DGKB: variants seen among roughly 807,000 people sequenced by gnomAD.
The protein encoded by DGKB is 90 kDa diacylglycerol kinase.
A neutral mutation model predicts 114.3 loss-of-function variants in DGKB; 67 were observed. The observed-to-expected ratio is 0.59, with a 90% confidence interval of 0.48 to 0.72. The LOEUF is 0.72. Ranked by LOEUF, DGKB falls within the 30% of genes least tolerant of loss-of-function variation. The probability of loss-of-function intolerance (pLI) is 0.00; values close to 1 mark genes in which losing one functional copy is unlikely to be tolerated. For synonymous variants in DGKB, 398 were observed against 323.1 expected (o/e 1.23, Z -2.49); for missense variants, 907 against 975.2 (o/e 0.93, Z 0.93).
At chr7:14,211,435 G>A (rs5024497) in intron 23 of DGKB, among the ~76,000 whole-genome samples, 2,441 of 22,236 alleles carry the variant, frequency 0.11, 50 homozygotes, top group African/African-American at 0.12. Context: ...TTTTACTCTC[G>A]TGTTTTGTGA....
At chr7:14,359,421 G>A (rs1001033366) in intron 21 of DGKB, among the ~76,000 whole-genome samples, 8 of 152,150 alleles carry the variant, frequency 5.3e-5, no homozygotes, top group Admixed American at 2.0e-4. Context: ...AGGACTTCAT[G>A]ACTAAACCAC....
intron 21 of DGKB, among the ~76,000 whole-genome samples, chr7:14,412,490 C>T (rs1006465689): frequency 1.1e-4 from 17 of 151,906 alleles, no homozygotes; most frequent in Admixed American, 5.3e-4. Context: ...AAAGAGAGCC[C>T]GGGGAAAGGA....
At chr7:14,922,382 G>GTGTCTGTA (rs1784549052) in intron 1 of DGKB, among the ~76,000 whole-genome samples, 1 of 130,100 alleles carries the variant, frequency 7.7e-6, no homozygotes, top group African/African-American at 2.9e-5. Context: ...CATCGTGTGT[G>GTGTCTGTA]TGTGTGTGTG....
intron 1 of DGKB, among the ~76,000 whole-genome samples, chr7:14,900,710 C>A (rs1189340368): frequency 1.3e-5 from 2 of 152,112 alleles, no homozygotes; most frequent in African/African-American, 4.8e-5. Context: ...TTTTTATAAT[C>A]TTCCCAGTCA....
At chr7:14,757,385 TACA>T (rs1337964253) in intron 3 of DGKB, among the ~76,000 whole-genome samples, 2 of 151,986 alleles carry the variant, frequency 1.3e-5, no homozygotes, top group Non-Finnish European at 2.9e-5. Flanking sequence ...ACGAAAAATG[TACA>T]ACATTTAATA....
Position 14,391,540 on chromosome 7 carries a change from A to T in DGKB, c.1836-46149T>A, listed in dbSNP as rs537245731. Among the ~76,000 whole-genome samples, 4 of 152,076 alleles carry T rather than the reference A, an allele frequency of 2.6e-5. No homozygotes were observed. The East Asian group carries it at 7.8e-4, about 29-fold the overall frequency. On this transcript the variant is annotated intron_variant, in intron 21 of 25. Coordinates refer to ENST00000402815, the MANE Select transcript of DGKB (RefSeq NM_001350709.2). ...AAAAAATAAAAAAAAAAAAAGGAAAAATTAGCCCGGTGTGGTGGCAGATGC... is the reference window on the plus strand; with the variant it reads ...AAAAAATAAAAAAAAAAAAAGGAAATATTAGCCCGGTGTGGTGGCAGATGC...
At position 14,695,492 on chromosome 7, in the gene DGKB, C is replaced by CTTTTTT. The variant is rs1452686512; in HGVS notation, c.592-1299_592-1298insAAAAAA. 3.6e-3 allele frequency among the ~76,000 whole-genome samples: 261 copies of CTTTTTT among 73,318 alleles called. 1 individual carries two copies. Among genetic ancestry groups the CTTTTTT allele is most frequent in the African/African-American group, 5.4e-3 (90 of 16,776 alleles). The allele number at this position is 73,318 out of a possible 152,430, so 48.1% of individuals were successfully genotyped here. A position where few individuals can be genotyped will look rare whatever the true frequency, so the allele number is the denominator to read the frequency against. On this transcript the variant is annotated intron_variant, in intron 8 of 25. Transcript: ENST00000402815. ...CAAATGTTCATTTCTCTCTCTCTCT[C>CTTTTTT]TCTTTTTTTTTTTTTTTTTTTTTTT... is the stretch of plus-strand genomic sequence containing the variant.
intron 6 of DGKB, among the ~76,000 whole-genome samples, chr7:14,705,259 G>A (rs1420054886): frequency 6.6e-6 from 1 of 151,306 alleles, no homozygotes; most frequent in Non-Finnish European, 1.5e-5. Flanking sequence ...GAGAAGGGAA[G>A]TTTAGAGAAA....
intron 1 of DGKB, among the ~76,000 whole-genome samples, chr7:14,951,773 T>C (rs1002012514): frequency 2.0e-5 from 3 of 151,962 alleles, no homozygotes; most frequent in Non-Finnish European, 4.4e-5. Flanking sequence ...GGGGGGTATA[T>C]AGAACTCTAT....
At chr7:14,906,248 C>A (rs987291412), upstream of DGKB, among the ~76,000 whole-genome samples, 1 of 151,668 alleles carries the variant, frequency 6.6e-6, no homozygotes, top group Non-Finnish European at 1.5e-5. Context: ...CAGATTGCTA[C>A]ACATTTATGT....
At chr7:14,288,109 A>G (rs895443147) in intron 23 of DGKB, among the ~76,000 whole-genome samples, 3 of 152,034 alleles carry the variant, frequency 2.0e-5, no homozygotes, top group African/African-American at 7.2e-5. Context: ...GGCAAGTAGT[A>G]TCTTATTGGA....
intron 23 of DGKB, among the ~76,000 whole-genome samples, chr7:14,256,490 T>A (rs1795994331): frequency 6.6e-6 from 1 of 152,090 alleles, no homozygotes; most frequent in Admixed American, 6.5e-5. Context: ...TTCATTTTGA[T>A]AGTTTAGAAT....
chr7:14,886,142 C>T (rs190789700), intron 1 of DGKB, among the ~76,000 whole-genome samples: 57 of 151,676 alleles, frequency 3.8e-4, no homozygotes, highest in African/African-American at 1.1e-3. Flanking sequence ...TTGTCTAGTA[C>T]GGGCAGAAAT....
At chr7:14,322,570 C>G (rs1160756084) in intron 23 of DGKB, among the ~76,000 whole-genome samples, 1 of 151,890 alleles carries the variant, frequency 6.6e-6, no homozygotes, top group Non-Finnish European at 1.5e-5. Context: ...TTAAAAACTA[C>G]AGATAAAAAG....
At chr7:14,911,656 C>G (rs1784010807) in intron 1 of DGKB, among the ~76,000 whole-genome samples, 1 of 152,106 alleles carries the variant, frequency 6.6e-6, no homozygotes. Context: ...TTTTTCAAAT[C>G]TATATCACCT....
chr7:14,551,692 G>C (rs1424719912), intron 20 of DGKB, among the ~76,000 whole-genome samples: 2 of 152,048 alleles, frequency 1.3e-5, no homozygotes, highest in Non-Finnish European at 2.9e-5. Context: ...TTCAGACTTG[G>C]CCTCAGAGAC....
At chr7:14,892,465 T>G (rs553361633) in intron 1 of DGKB, among the ~76,000 whole-genome samples, 1 of 151,226 alleles carries the variant, frequency 6.6e-6, no homozygotes, top group Non-Finnish European at 1.5e-5. Context: ...ATGGTGGTAA[T>G]GTAATCAAGG....
intron 13 of DGKB, among the ~76,000 whole-genome samples, chr7:14,667,417 A>G (rs1458210032): frequency 6.6e-6 from 1 of 152,056 alleles, no homozygotes; most frequent in African/African-American, 2.4e-5. Flanking sequence ...GAAAAAATAA[A>G]ACTAGACATC....
At chr7:14,269,531 T>A (rs1486386911) in intron 23 of DGKB, among the ~76,000 whole-genome samples, 5 of 152,196 alleles carry the variant, frequency 3.3e-5, no homozygotes, top group Non-Finnish European at 7.3e-5. Flanking sequence ...GGCTATATTC[T>A]TACATTTATC....
Sources: gnomAD v4.1 joint callset for allele counts (sites outside exome capture counted in the v4.1 genomes callset) on GRCh38, gnomAD v4.1.1 for gene constraint, MANE v1.5 for transcripts, NCBI Gene and HGNC (gene_info 2026-07-23, HGNC 2026-07-21) for gene names.